Variants in SORCS2 observed in about 807,000 individuals in gnomAD.
SORCS2 encodes the protein VPS10 domain-containing receptor SorCS2.
SORCS2 carries 100 observed loss-of-function variants against 141.6 expected under a neutral mutation model. The ratio of observed to expected loss-of-function variants is 0.71; its 90% CI spans 0.60 to 0.83. The LOEUF is 0.83. Among genes scored for constraint, SORCS2 ranks in the 40% least tolerant of loss-of-function variants. The probability of loss-of-function intolerance (pLI) is 0.00; values close to 1 mark genes in which losing one functional copy is unlikely to be tolerated. For missense variants in SORCS2, 1,646 were observed against 1,560.2 expected, an observed-to-expected ratio of 1.05 and a Z score of -0.93; for synonymous variants, 789 against 676.9, an observed-to-expected ratio of 1.17 and a Z score of -2.57.
intron 3 of SORCS2, among the ~76,000 whole-genome samples, chr4:7,617,327 C>G (rs891244199): frequency 6.6e-6 from 1 of 152,172 alleles, no homozygotes; most frequent in Non-Finnish European, 1.5e-5. Flanking sequence ...TGGTATTCGT[C>G]TCTCCATTGG....
intron 2 of SORCS2, among the ~76,000 whole-genome samples, chr4:7,447,495 G>C (rs565463168): frequency 9.8e-5 from 15 of 152,328 alleles, no homozygotes; most frequent in African/African-American, 3.4e-4. Flanking sequence ...TTACACTTCC[G>C]ATGAAGCCAG....
intron 2 of SORCS2, among the ~76,000 whole-genome samples, chr4:7,402,168 G>T (rs1300932882): frequency 6.6e-6 from 1 of 152,110 alleles, no homozygotes; most frequent in African/African-American, 2.4e-5. Flanking sequence ...TAATCTAGCT[G>T]TCATCAATGT....
chr4:7,272,180 C>T (rs1012300132), intron 1 of SORCS2, among the ~76,000 whole-genome samples: 16 of 152,154 alleles, frequency 1.1e-4, no homozygotes, highest in Non-Finnish European at 1.5e-4. Context: ...ATCCTCATTA[C>T]GATAAGATAG....
rs547075573 is a variant in SORCS2, at chr4:7,590,605, C to T, written c.649-47723C>T. Among the ~76,000 whole-genome samples, 4 of 152,328 alleles carry T rather than the reference C, an allele frequency of 2.6e-5. No individual in the cohort carries two copies. The South Asian group carries it at 8.3e-4, about 32-fold the overall frequency. Reference sequence around the variant, plus strand: ...TGTGGGTGAGGATGGAGGTAGACGTCTCCATTTTTGAGATGTGGAAACTGA... The same window carrying T: ...TGTGGGTGAGGATGGAGGTAGACGTTTCCATTTTTGAGATGTGGAAACTGA... On this transcript the variant is annotated intron_variant, in intron 3 of 26. Coordinates refer to ENST00000507866, the MANE Select transcript of SORCS2 (RefSeq NM_020777.3).
chr4:7,524,111 G>C (rs550854172), intron 2 of SORCS2, among the ~76,000 whole-genome samples: 11 of 152,158 alleles, frequency 7.2e-5, no homozygotes, highest in African/African-American at 2.4e-4. Context: ...GAATAGAGTC[G>C]CCCCCAAAAT....
At position 7,518,018 on chromosome 4, in the gene SORCS2, T is replaced by A. The variant is rs185345443; in HGVS notation, c.549-13512T>A. On this transcript the variant is annotated intron_variant, in intron 2 of 26. Transcript: ENST00000507866. ...TTTTGTGATAAAATCAGAACACAGG[T>A]CTGTGTGTGCCTTGTAACTGAAATA... 1.8e-4 allele frequency among the ~76,000 whole-genome samples: 28 copies of A among 152,284 alleles called. No homozygotes were observed. In the East Asian group the frequency reaches 4.4e-3, roughly 24 times the overall value.
chr4:7,389,744 G>A (rs12641352), intron 1 of SORCS2, among the ~76,000 whole-genome samples: 39,827 of 152,040 alleles, frequency 0.26, 5,782 homozygotes, highest in Non-Finnish European at 0.32. Flanking sequence ...AGAGCATAGC[G>A]ATCCAAGTAT....
At chr4:7,374,691 A>G (rs911630000) in intron 1 of SORCS2, among the ~76,000 whole-genome samples, 2 of 151,926 alleles carry the variant, frequency 1.3e-5, no homozygotes, top group Non-Finnish European at 2.9e-5. Context: ...CAGCCCACAC[A>G]TTTGCAGGAA....
At chr4:7,205,101 T>C (rs2108869758) in intron 1 of SORCS2, among the ~76,000 whole-genome samples, 1 of 152,380 alleles carries the variant, frequency 6.6e-6, no homozygotes, top group South Asian at 2.1e-4. Context: ...GCCAAGTTTA[T>C]TTTCTGATTT....
At chr4:7,340,958 C>T (rs973792144) in intron 1 of SORCS2, among the ~76,000 whole-genome samples, 1 of 152,244 alleles carries the variant, frequency 6.6e-6, no homozygotes, top group East Asian at 1.9e-4. Context: ...GACAATTGCA[C>T]CCATCCCTGC....
chr4:7,279,183 G>A (rs1166581199), intron 1 of SORCS2, among the ~76,000 whole-genome samples: 1 of 151,838 alleles, frequency 6.6e-6, no homozygotes, highest in Non-Finnish European at 1.5e-5. Flanking sequence ...CCCTTTTTTG[G>A]TGGTGGTTCA....
chr4:7,291,809 A>G (rs1716620871), intron 1 of SORCS2, among the ~76,000 whole-genome samples: 1 of 152,192 alleles, frequency 6.6e-6, no homozygotes, highest in South Asian at 2.1e-4. Flanking sequence ...ACGGAAGCCG[A>G]TATGCAAAGA....
chr4:7,330,803 G>A (rs1244616654), intron 1 of SORCS2, among the ~76,000 whole-genome samples: 1 of 151,830 alleles, frequency 6.6e-6, no homozygotes, highest in Admixed American at 6.6e-5. Context: ...CTCAGTGAAC[G>A]CTTGGCAAGC....
intron 3 of SORCS2, among the ~76,000 whole-genome samples, chr4:7,534,675 C>A (rs1577710336): frequency 6.6e-6 from 1 of 152,120 alleles, no homozygotes; most frequent in Non-Finnish European, 1.5e-5. Context: ...GAGGCTGGGG[C>A]AGGGCCTGGT....
chr4:7,435,813 G>A (rs1170698776), intron 2 of SORCS2, among the ~76,000 whole-genome samples: 1 of 152,260 alleles, frequency 6.6e-6, no homozygotes, highest in African/African-American at 2.4e-5. Flanking sequence ...ATTAAATGGA[G>A]AAATCTGGAG....
At chr4:7,229,804 T>G (rs2108773881) in intron 1 of SORCS2, among the ~76,000 whole-genome samples, 1 of 151,108 alleles carries the variant, frequency 6.6e-6, no homozygotes, top group East Asian at 2.0e-4. Context: ...TTCCAGTGTC[T>G]GGGCAGGAGC....
intron 2 of SORCS2, among the ~76,000 whole-genome samples, chr4:7,422,858 C>G (rs538867732): frequency 2.0e-5 from 3 of 152,312 alleles, no homozygotes; most frequent in South Asian, 2.1e-4. Flanking sequence ...AATAACTGAC[C>G]CAGGGCTTCT....
chr4:7,667,682 C>T (rs577960571), intron 8 of SORCS2, among the ~76,000 whole-genome samples: 2 of 152,306 alleles, frequency 1.3e-5, no homozygotes, highest in South Asian at 4.1e-4. Context: ...TGCATTCCAG[C>T]CACCTAGTAT....
At chr4:7,281,038 C>A (rs181188766) in intron 1 of SORCS2, among the ~76,000 whole-genome samples, 1 of 152,282 alleles carries the variant, frequency 6.6e-6, no homozygotes, top group Non-Finnish European at 1.5e-5. Context: ...ACCACAAATG[C>A]GAGTCGCGTG....
Sources: allele counts gnomAD v4.1 joint callset (sites outside exome capture counted in the v4.1 genomes callset), GRCh38; gene constraint gnomAD v4.1.1; transcripts MANE v1.5; gene names NCBI Gene and HGNC (gene_info 2026-07-23, HGNC 2026-07-21).